Variants in MFHAS1 observed in about 807,000 individuals in gnomAD.
The protein encoded by MFHAS1 is malignant fibrous histiocytoma-amplified sequence 1.
In MFHAS1, 50 loss-of-function variants were observed where a neutral mutation model predicts 70.4. The ratio of observed to expected loss-of-function variants is 0.71; its 90% CI spans 0.57 to 0.90. MFHAS1 has a LOEUF of 0.90. Among genes scored for constraint, MFHAS1 ranks in the 40% least tolerant of loss-of-function variants. MFHAS1 has a pLI of 0.00. For missense variants in MFHAS1, 1,795 were observed against 1,347.6 expected (o/e 1.33, Z -5.20); for synonymous variants, 952 against 620.0 (o/e 1.54, Z -7.96).
intron 1 of MFHAS1, among the ~76,000 whole-genome samples, chr8:8,856,733 C>T (rs1389701713): frequency 1.3e-5 from 2 of 152,022 alleles, no homozygotes; most frequent in Non-Finnish European, 2.9e-5. Context: ...ATCCCCATGG[C>T]ACTCAGCAGA....
intron 1 of MFHAS1, among the ~76,000 whole-genome samples, chr8:8,847,532 C>A (rs1808081289): frequency 6.6e-6 from 1 of 152,098 alleles, no homozygotes; most frequent in African/African-American, 2.4e-5. Context: ...CAGAAGCAGG[C>A]AGGATCTACT....
intron 1 of MFHAS1, among the ~76,000 whole-genome samples, chr8:8,799,427 T>C (rs1173253972): frequency 6.6e-6 from 1 of 152,228 alleles, no homozygotes; most frequent in Non-Finnish European, 1.5e-5. Flanking sequence ...CTGTATCTGC[T>C]GACGTATAAT....
At chr8:8,860,898 C>G (rs61340036) in intron 1 of MFHAS1, among the ~76,000 whole-genome samples, 1 of 152,142 alleles carries the variant, frequency 6.6e-6, no homozygotes, top group East Asian at 1.9e-4. Context: ...TGTATACATA[C>G]GTATACAAAC....
At chr8:8,802,771 G>C (rs1806125593) in intron 1 of MFHAS1, among the ~76,000 whole-genome samples, 1 of 152,170 alleles carries the variant, frequency 6.6e-6, no homozygotes. Flanking sequence ...ATCTTGGGGG[G>C]TGAAGGAGCA....
intron 1 of MFHAS1, among the ~76,000 whole-genome samples, chr8:8,881,966 C>G (rs546667818): frequency 6.6e-6 from 1 of 152,250 alleles, no homozygotes; most frequent in South Asian, 2.1e-4. Context: ...CTAAGTGCCC[C>G]TTGCCCACTC....
intron 1 of MFHAS1, among the ~76,000 whole-genome samples, chr8:8,876,401 G>A (rs1425640329): frequency 6.6e-6 from 1 of 152,108 alleles, no homozygotes; most frequent in African/African-American, 2.4e-5. Context: ...AAGTTGGCAG[G>A]CAAGGGAAGA....
chr8:8,787,309 T>G (rs569744625), intron 2 of MFHAS1, among the ~76,000 whole-genome samples: 2 of 152,286 alleles, frequency 1.3e-5, no homozygotes, highest in Non-Finnish European at 2.9e-5. Flanking sequence ...CTTGATCTCC[T>G]GACCTCATGA....
chr8:8,812,107 G>A (rs1585028766), intron 1 of MFHAS1, among the ~76,000 whole-genome samples: 4 of 152,302 alleles, frequency 2.6e-5, no homozygotes, highest in African/African-American at 4.8e-5. Flanking sequence ...CATGTGCGGC[G>A]ACTCCAATGC....
intron 1 of MFHAS1, among the ~76,000 whole-genome samples, chr8:8,816,386 G>T (rs1806746660): frequency 6.6e-6 from 1 of 152,084 alleles, no homozygotes. Context: ...ATATCAATTG[G>T]GGTTATGGCA....
At chr8:8,845,029 A>C (rs1452495988) in intron 1 of MFHAS1, among the ~76,000 whole-genome samples, 1 of 152,242 alleles carries the variant, frequency 6.6e-6, no homozygotes, top group Non-Finnish European at 1.5e-5. Flanking sequence ...AAAACTAAGA[A>C]GACCTATAAA....
Position 8,790,772 on chromosome 8 carries a change from G to C in MFHAS1, c.3126-4717C>G, listed in dbSNP as rs566869778. The stretch of plus-strand genomic sequence containing the variant: ...GTTCATGCTAATTTGTGTGCTGTTA[G>C]GCATACGTGGCCTGTTTATTTGGTG... On this transcript the variant is annotated intron_variant, in intron 2 of 2. Coordinates refer to ENST00000276282, the MANE Select transcript of MFHAS1 (RefSeq NM_004225.3). 9.2e-5 allele frequency among the ~76,000 whole-genome samples: 14 copies of C among 152,236 alleles called. 1 individual carries two copies. The highest frequency in any genetic ancestry group is 3.4e-4 in the African/African-American group (14 of 41,546).
At chr8:8,833,215 A>C (rs1022042982) in intron 1 of MFHAS1, among the ~76,000 whole-genome samples, 2 of 152,170 alleles carry the variant, frequency 1.3e-5, no homozygotes, top group Non-Finnish European at 2.9e-5. Context: ...ATCTCCCACC[A>C]GGCCCCACCT....
chr8:8,844,083 A>G (rs1389650867), intron 1 of MFHAS1, among the ~76,000 whole-genome samples: 4 of 152,226 alleles, frequency 2.6e-5, no homozygotes, highest in Non-Finnish European at 5.9e-5. Context: ...CAGATGGAGA[A>G]GAAAGAACTC....
At chr8:8,866,368 G>C (rs1478847667) in intron 1 of MFHAS1, among the ~76,000 whole-genome samples, 1 of 151,270 alleles carries the variant, frequency 6.6e-6, no homozygotes, top group Non-Finnish European at 1.5e-5. Context: ...CTCTAGGCTG[G>C]AGTACGGTGG....
rs147233433 is a variant in MFHAS1, at chr8:8,807,144, G to A, written c.2999-9653C>T. On this transcript the variant is annotated intron_variant, in intron 1 of 2. Coordinates refer to ENST00000276282, the MANE Select transcript of MFHAS1 (RefSeq NM_004225.3). ...TCAGAATGAAGGTCCCTCTAACCTT[G>A]TCTTGTGCCTCCCCAAACCACAAGG... Among the ~76,000 whole-genome samples the A allele has an allele frequency of 2.2e-3, 328 of 152,160 alleles. 1 individual carries two copies. Among genetic ancestry groups the A allele is most frequent in the African/African-American group, 7.3e-3 (305 of 41,498 alleles).
chr8:8,882,215 C>G (rs1260283428), intron 1 of MFHAS1, among the ~76,000 whole-genome samples: 2 of 151,752 alleles, frequency 1.3e-5, no homozygotes, highest in African/African-American at 4.8e-5. Context: ...ACCCCCATCT[C>G]TACTAAAAAA....
At chr8:8,808,557 GA>G (rs1563183136) in intron 1 of MFHAS1, among the ~76,000 whole-genome samples, 1 of 151,976 alleles carries the variant, frequency 6.6e-6, no homozygotes, top group East Asian at 1.9e-4. Flanking sequence ...AATAAGGAAA[GA>G]AAAAAAATTG....
intron 1 of MFHAS1, among the ~76,000 whole-genome samples, chr8:8,850,419 C>T (rs1404458692): frequency 1.1e-4 from 17 of 152,122 alleles, no homozygotes; most frequent in Admixed American, 3.3e-4. Flanking sequence ...TCCTAGCAAA[C>T]GACAGAATTT....
intron 1 of MFHAS1, among the ~76,000 whole-genome samples, chr8:8,845,048 A>C (rs1027861985): frequency 6.6e-6 from 1 of 152,252 alleles, no homozygotes; most frequent in Non-Finnish European, 1.5e-5. Context: ...AAATGGATTA[A>C]GATACAACTA....
Sources: allele counts gnomAD v4.1 joint callset (sites outside exome capture counted in the v4.1 genomes callset), GRCh38; gene constraint gnomAD v4.1.1; transcripts MANE v1.5; gene names NCBI Gene and HGNC (gene_info 2026-07-23, HGNC 2026-07-21).